PAM16: variants seen among roughly 807,000 people sequenced by gnomAD.
PAM16 encodes presequence translocase associated motor 16, also known as mitochondrial import inner membrane translocase subunit TIM16.
Under a neutral mutation model 17.9 loss-of-function variants are expected in PAM16, and 11 were observed. That is an observed-to-expected ratio of 0.62 (90% CI 0.39 to 1.02). PAM16 has a LOEUF of 1.02. Among genes scored for constraint, PAM16 ranks in the 50% least tolerant of loss-of-function variants. The pLI, the probability that PAM16 is intolerant of heterozygous loss-of-function variation, is 0.01. For missense variants in PAM16, 199 were observed against 165.4 expected (o/e 1.20, Z -1.11); for synonymous variants, 72 against 67.4 (o/e 1.07, Z -0.34).
At chr16:4,347,778 C>T (rs1222122083) in intron 1 of PAM16, 1 of 152,208 alleles carries the variant, frequency 6.6e-6, no homozygotes, top group Non-Finnish European at 1.5e-5. Flanking sequence ...CTGAGGGTCC[C>T]AGGTGAGAGG....
At position 4,348,598 on chromosome 16, in the gene PAM16, A is replaced by C. The variant is rs117013985; in HGVS notation, c.3+2634T>G. The C allele has an allele frequency of 3.3e-3, 494 of 151,994 alleles. 5 individuals carry two copies. The highest frequency in any genetic ancestry group is 6.2e-3 in the Non-Finnish European group (423 of 68,084). 9.4% of individuals were successfully genotyped at this position (151,994 alleles called of 1,614,324 possible). A position where few individuals can be genotyped will look rare whatever the true frequency, so the allele number is the denominator to read the frequency against. On this transcript the variant is annotated intron_variant, in intron 1 of 4. Transcript: ENST00000318059. ...CCAACATCCCTCAGGACCTAATATCATTCCCCATCCCCCGGGTGAAACCCT... is the reference window on the plus strand; with the variant it reads ...CCAACATCCCTCAGGACCTAATATCCTTCCCCATCCCCCGGGTGAAACCCT...
chr16:4,345,124 C>T (rs2053735025), intron 1 of PAM16, among the ~76,000 whole-genome samples: 2 of 151,998 alleles, frequency 1.3e-5, no homozygotes, highest in East Asian at 1.9e-4. Context: ...ACTGCAAAGC[C>T]GTAGACGCAG....
At chr16:4,341,645 G>A (rs2053649306) in intron 2 of PAM16, 141 bp from the exon 3 acceptor site, 2 of 1,386,226 alleles carry the variant, frequency 1.4e-6, no homozygotes, top group Non-Finnish European at 1.9e-6. Flanking sequence ...TCTTCTCCAG[G>A]AGTGGTTTCC....
intron 2 of PAM16, 41 bp downstream of exon 2, chr16:4,343,166 G>A (rs1288708599): frequency 6.2e-7 from 1 of 1,612,200 alleles, no homozygotes; most frequent in South Asian, 1.1e-5. Flanking sequence ...CTGACCTGGA[G>A]AGGAACTCCC....
intron 1 of PAM16, among the ~76,000 whole-genome samples, chr16:4,349,065 C>T (rs538881974): frequency 2.0e-5 from 3 of 149,706 alleles, no homozygotes; most frequent in African/African-American, 4.9e-5. Context: ...AAGCCATTCT[C>T]CTGCCTCAGC....
intron 1 of PAM16, among the ~76,000 whole-genome samples, chr16:4,345,134 G>A (rs1463335618): frequency 6.6e-6 from 1 of 152,096 alleles, no homozygotes. Flanking sequence ...CGTAGACGCA[G>A]GGGGGTGGCG....
chr16:4,344,959 G>A (rs2053730546), intron 1 of PAM16, among the ~76,000 whole-genome samples: 1 of 152,032 alleles, frequency 6.6e-6, no homozygotes, highest in African/African-American at 2.4e-5. Flanking sequence ...AGCCAAAACT[G>A]GCAGGAGAGA....
intron 2 of PAM16, among the ~76,000 whole-genome samples, chr16:4,342,966 G>GA (rs1302522072): frequency 6.6e-6 from 1 of 152,018 alleles, no homozygotes; most frequent in Admixed American, 6.5e-5. Flanking sequence ...TCCAAAAAAA[G>GA]AAAAAACAAG....
rs879203785 is a variant in PAM16 at position 4,343,136 on chromosome 16, C to T, written c.88+71G>A. 5.7e-5 allele frequency: 92 copies of T among 1,601,298 alleles called. 3 individuals are homozygous for T. In the South Asian group the frequency reaches 9.7e-4, roughly 17 times the overall value. On this transcript the variant is annotated intron_variant, in intron 2 of 4. Coordinates refer to ENST00000318059, the MANE Select transcript of PAM16 (RefSeq NM_016069.11). ...CTTCAGAACCGCCAGGCCTGAGGTG[C>T]CCATGGCTACGGGGAAAATCTGACC...
chr16:4,346,060 C>A (rs145446117), intron 1 of PAM16: 2 of 756,942 alleles, frequency 2.6e-6, no homozygotes, highest in Non-Finnish European at 1.6e-6. Context: ...GGAGCTTCCC[C>A]GACCATCCCC....
chr16:4,351,257 C>A lies in PAM16; in HGVS notation c.-23G>T, dbSNP rs756665454. On this transcript the variant is annotated 5_prime_UTR_variant, in exon 1 of 5. Coordinates refer to ENST00000318059, the MANE Select transcript of PAM16 (RefSeq NM_016069.11). ...CATGGCAGCCGCTCTGCCTCCGGGGCTCAAACTCCGACTTCCTGGCCCCGC... is the reference window on the plus strand; with the variant it reads ...CATGGCAGCCGCTCTGCCTCCGGGGATCAAACTCCGACTTCCTGGCCCCGC... 1.1e-5 allele frequency: 16 copies of A among 1,466,756 alleles called. No individual in the cohort carries two copies. The highest frequency in any genetic ancestry group is 2.9e-5 in the African/African-American group (2 of 69,722). The allele number at this position is 1,466,756 out of a possible 1,614,324, so 90.9% of individuals were successfully genotyped here. A position where few individuals can be genotyped will look rare whatever the true frequency, so the allele number is the denominator to read the frequency against.
intron 4 of PAM16, 134 bp from the exon 5 acceptor site, chr16:4,340,539 A>G: frequency 2.0e-6 from 2 of 989,928 alleles, no homozygotes; most frequent in Admixed American, 2.5e-5. Flanking sequence ...TGCTTCCTTC[A>G]GTGGCACCCC....
chr16:4,349,354 G>T (rs2053811079), intron 1 of PAM16, among the ~76,000 whole-genome samples: 1 of 152,160 alleles, frequency 6.6e-6, no homozygotes, highest in African/African-American at 2.4e-5. Context: ...GACTGCTTGG[G>T]CCCAGAAGTT....
chr16:4,346,053 G>A (rs2053753753), intron 1 of PAM16: 8 of 839,996 alleles, frequency 9.5e-6, no homozygotes, highest in Non-Finnish European at 1.1e-5. Flanking sequence ...TAACTGGGGA[G>A]CTTCCCCGAC....
rs566954420 is a variant in PAM16 at position 4,343,150 on chromosome 16, G to T, written c.88+57C>A. 412 of 1,610,728 alleles carry T rather than the reference G, an allele frequency of 2.6e-4. 1 individual carries two copies. The highest frequency in any genetic ancestry group is 5.5e-4 in the Admixed American group (33 of 59,900). On this transcript the variant is annotated intron_variant, in intron 2 of 4. Coordinates refer to ENST00000318059, the MANE Select transcript of PAM16 (RefSeq NM_016069.11). ...GGCCTGAGGTGCCCATGGCTACGGG[G>T]AAAATCTGACCTGGAGAGGAACTCC...
chr16:4,343,366 C>T (rs2053681305), intron 1 of PAM16, 75 bp from the exon 2 acceptor site: 4 of 1,534,658 alleles, frequency 2.6e-6, no homozygotes, highest in African/African-American at 2.8e-5. Context: ...GAAACGGCTG[C>T]CGAGGGGCAA....
chr16:4,343,514 G>T, intron 1 of PAM16: 1 of 1,427,660 alleles, frequency 7.0e-7, no homozygotes, highest in Non-Finnish European at 9.1e-7. Flanking sequence ...GAACTTGACC[G>T]AGCTCCCAGA....
intron 2 of PAM16, 70 bp downstream of exon 2, chr16:4,343,137 C>T (rs1033809589): frequency 1.6e-5 from 26 of 1,603,464 alleles, no homozygotes; most frequent in Middle Eastern, 3.3e-4. Flanking sequence ...CCTGAGGTGC[C>T]CATGGCTACG....
chr16:4,345,522 G>T (rs919382959), intron 1 of PAM16: 4 of 152,204 alleles, frequency 2.6e-5, no homozygotes, highest in African/African-American at 9.7e-5. Flanking sequence ...GATTCCAGTG[G>T]ATTCGACTCC....
Sources: allele counts gnomAD v4.1 joint callset (sites outside exome capture counted in the v4.1 genomes callset), GRCh38; gene constraint gnomAD v4.1.1; transcripts MANE v1.5; gene names NCBI Gene and HGNC (gene_info 2026-07-23, HGNC 2026-07-21).